RP1: variants seen among roughly 807,000 people sequenced by gnomAD.
The protein encoded by RP1 is oxygen-regulated protein 1.
Under a neutral mutation model 14.8 loss-of-function variants are expected in RP1, and 16 were observed. That is an observed-to-expected ratio of 1.08 (90% CI 0.73 to 1.65). The LOEUF (loss-of-function observed/expected upper bound fraction) is 1.65. Among genes scored for constraint, RP1 ranks in the 40% most tolerant of loss-of-function variants. The probability of loss-of-function intolerance (pLI) is 0.00; values close to 1 mark genes in which losing one functional copy is unlikely to be tolerated. For missense variants in RP1, 2,631 were observed against 2,535.0 expected (o/e 1.04, Z -0.81); for synonymous variants, 876 against 883.6 (o/e 0.99, Z 0.15).
intron 14 of RP1, among the ~76,000 whole-genome samples, chr8:54,705,747 A>T (rs764407288): frequency 1.3e-5 from 2 of 151,868 alleles, no homozygotes; most frequent in Non-Finnish European, 2.9e-5. Flanking sequence ...CACTGACCTC[A>T]GTGTTGTTGA....
At chr8:54,603,922 T>C (rs200310935) in intron 1 of RP1, among the ~76,000 whole-genome samples, 1 of 152,146 alleles carries the variant, frequency 6.6e-6, no homozygotes, top group Non-Finnish European at 1.5e-5. Flanking sequence ...TGCCTATCAG[T>C]TTAAGGAGAT....
intron 17 of RP1, among the ~76,000 whole-genome samples, chr8:54,726,830 A>T (rs1396426209): frequency 1.3e-5 from 2 of 152,066 alleles, no homozygotes; most frequent in Non-Finnish European, 2.9e-5. Context: ...AATGAAAAAA[A>T]TAATTTCTAT....
At chr8:54,799,125 T>C (rs970718964) in intron 24 of RP1, among the ~76,000 whole-genome samples, 3 of 152,036 alleles carry the variant, frequency 2.0e-5, no homozygotes, top group Non-Finnish European at 4.4e-5. Flanking sequence ...ATTTTAAAGA[T>C]GAAATCTTGA....
intron 1 of RP1, among the ~76,000 whole-genome samples, chr8:54,562,208 A>C (rs1002295275): frequency 6.6e-6 from 1 of 152,256 alleles, no homozygotes; most frequent in Non-Finnish European, 1.5e-5. Flanking sequence ...CTATGCTCAC[A>C]TGTAAAACTA....
intron 22 of RP1, among the ~76,000 whole-genome samples, chr8:54,767,398 C>G (rs370729159): frequency 3.6e-4 from 54 of 148,164 alleles, no homozygotes; most frequent in African/African-American, 1.3e-3. Flanking sequence ...CTTGCTCTGT[C>G]ACCCAGGCTG....
At chr8:54,870,706 T>G (rs1812569819) in exon 29 of RP1, 1 of 152,138 alleles carries the variant, frequency 6.6e-6, no homozygotes, top group Admixed American at 6.5e-5. Flanking sequence ...CTAAAACTCA[T>G]TTGCCAGCCC....
At chr8:54,773,166 C>T (rs1333892994), downstream of RP1, among the ~76,000 whole-genome samples, 4 of 152,116 alleles carry the variant, frequency 2.6e-5, no homozygotes, top group African/African-American at 9.7e-5. Context: ...CAGTCCTCAC[C>T]TTCTCGTTTG....
chr8:54,691,358 A>G (rs1047234118), intron 12 of RP1, among the ~76,000 whole-genome samples: 13 of 152,070 alleles, frequency 8.5e-5, no homozygotes, highest in African/African-American at 3.1e-4. Context: ...TGCATTGGGT[A>G]ATTGAATTAT....
intron 12 of RP1, among the ~76,000 whole-genome samples, chr8:54,682,437 C>G (rs2129336194): frequency 6.6e-6 from 1 of 152,020 alleles, no homozygotes; most frequent in Non-Finnish European, 1.5e-5. Flanking sequence ...ATCAGAAATA[C>G]CATTTTACCT....
rs575716488 is a variant in RP1 at position 54,831,994 on chromosome 8, G to A, written c.3616-5456G>A. Among the ~76,000 whole-genome samples, 97 of 151,616 alleles carry A rather than the reference G, an allele frequency of 6.4e-4. 1 individual carries two copies. In the South Asian group the frequency reaches 0.012, roughly 19 times the overall value. On this transcript the variant is annotated intron_variant, in intron 24 of 28. Coordinates refer to the RP1 transcript ENST00000637698. ...GATGCTTTATCGTATTCTGGCCTGCGTTATTTCTAAAGCAAAAATAGCCAC... is the reference window on the plus strand; with the variant it reads ...GATGCTTTATCGTATTCTGGCCTGCATTATTTCTAAAGCAAAAATAGCCAC...
rs767898825 is a variant in RP1, at chr8:54,628,301, C to A, written c.4419C>A (p.Asn1473Lys). ...SELESFEELE[N>K]HDTDIFNTVV... is the part of the protein sequence containing the mutation. Reference sequence around the variant, plus strand: ...TGGAATCTTTTGAAGAATTAGAAAACCATGACACTGATATCTTTAATACAG... The same window carrying A: ...TGGAATCTTTTGAAGAATTAGAAAAACATGACACTGATATCTTTAATACAG... The change falls in exon 4 of 4, where the codon AAC (asparagine) becomes AAA (lysine). Residue 1473 changes from asparagine (N) to lysine (K), a missense_variant. Transcript: ENST00000220676. 14 of 1,613,822 alleles carry A rather than the reference C, an allele frequency of 8.7e-6. No homozygotes were observed. The South Asian group carries it at 1.5e-4, about 18-fold the overall frequency.
intron 3 of RP1, among the ~76,000 whole-genome samples, chr8:54,648,236 T>C (rs1266373062): frequency 1.3e-5 from 2 of 152,136 alleles, no homozygotes; most frequent in African/African-American, 4.8e-5. Flanking sequence ...TTTATAGCAA[T>C]GTGAAAATGC....
At chr8:54,666,444 C>T (rs1420873571) in intron 7 of RP1, among the ~76,000 whole-genome samples, 2 of 152,014 alleles carry the variant, frequency 1.3e-5, no homozygotes, top group Non-Finnish European at 2.9e-5. Flanking sequence ...TGAGCCCCCA[C>T]ATTTCCAGAG....
chr8:54,619,879 GA>G (rs1805813709), intron 1 of RP1, among the ~76,000 whole-genome samples: 1 of 152,156 alleles, frequency 6.6e-6, no homozygotes, highest in Non-Finnish European at 1.5e-5. Flanking sequence ...ATTCCTCCTA[GA>G]ACTTAATGTC....
At chr8:54,847,548 T>A (rs960879836) in intron 25 of RP1, among the ~76,000 whole-genome samples, 1 of 152,210 alleles carries the variant, frequency 6.6e-6, no homozygotes, top group South Asian at 2.1e-4. Flanking sequence ...CATTTTAGAT[T>A]GTGCGATCTT....
chr8:54,706,878 A>T (rs2129345340), intron 15 of RP1, among the ~76,000 whole-genome samples: 1 of 152,284 alleles, frequency 6.6e-6, no homozygotes, highest in Non-Finnish European at 1.5e-5. Flanking sequence ...ATGTATGTAC[A>T]AATCACCTGG....
intron 7 of RP1, among the ~76,000 whole-genome samples, chr8:54,666,122 T>C (rs1158071446): frequency 2.0e-5 from 3 of 152,082 alleles, no homozygotes; most frequent in Non-Finnish European, 2.9e-5. Flanking sequence ...GACAAACTCC[T>C]TCCAGGGAGA....
At chr8:54,791,117 A>G (rs1290288977) in intron 24 of RP1, among the ~76,000 whole-genome samples, 1 of 152,224 alleles carries the variant, frequency 6.6e-6, no homozygotes, top group Non-Finnish European at 1.5e-5. Context: ...AAAATGATTC[A>G]TCATATACAG....
At position 54,621,122 on chromosome 8, in the gene RP1, G is replaced by A; in HGVS notation, c.156G>A (p.Arg52=). 6.2e-7 allele frequency: 1 copy of A among 1,614,176 alleles called. No individual in the cohort carries two copies. The highest frequency in any genetic ancestry group is 8.5e-7 in the Non-Finnish European group (1 of 1,180,036). The change falls in exon 2 of 4, where the codon AGG becomes AGA. Residue 52 remains arginine (R), a synonymous_variant. Coordinates refer to ENST00000220676, the MANE Select transcript of RP1 (RefSeq NM_006269.2). ...KSGDPQFGGV[R]VVVNPRSFKS... ...GAGACCCCCAATTCGGCGGGGTCAGGGTGGTGGTCAACCCTCGCTCCTTTA... is the reference window on the plus strand; with the variant it reads ...GAGACCCCCAATTCGGCGGGGTCAGAGTGGTGGTCAACCCTCGCTCCTTTA...
Sources: gnomAD v4.1 joint callset for allele counts (sites outside exome capture counted in the v4.1 genomes callset) on GRCh38, gnomAD v4.1.1 for gene constraint, MANE v1.5 for transcripts, NCBI Gene and HGNC (gene_info 2026-07-23, HGNC 2026-07-21) for gene names.